The following KIF17 variants were observed in gnomAD, a reference collection of about 807,000 sequenced individuals.
KIF17 encodes the protein kinesin family member 17, also known as kinesin-like protein KIF17.
Under a neutral mutation model 96.8 loss-of-function variants are expected in KIF17, and 80 were observed. The observed-to-expected ratio is 0.83, with a 90% CI of 0.69 to 1.00. The LOEUF is 1.00. KIF17 is among the 50% of genes least tolerant of loss of function. The pLI is 0.00. For synonymous variants in KIF17, 567 were observed against 587.5 expected, an observed-to-expected ratio of 0.97 and a Z score of 0.51; for missense variants, 1,280 against 1,372.9, an observed-to-expected ratio of 0.93 and a Z score of 1.07.
chr1:20,664,298 T>G lies in KIF17; in HGVS notation c.*286A>C. On this transcript the variant is annotated 3_prime_UTR_variant, in exon 15 of 15. Transcript: ENST00000400463. Reference sequence around the variant, plus strand: ...AGGCAAAGACCAACACTGGTGGGCATGGGTGTGGGCTCTGTGGCAGGTGAG... The same window carrying G: ...AGGCAAAGACCAACACTGGTGGGCAGGGGTGTGGGCTCTGTGGCAGGTGAG... The G allele has an allele frequency of 1.8e-5, 24 of 1,323,816 alleles. No homozygotes were observed. Among genetic ancestry groups the G allele is most frequent in the East Asian group, 9.6e-5 (3 of 31,122 alleles). The allele number at this position is 1,323,816 out of a possible 1,614,324, so 82.0% of individuals were successfully genotyped here.
rs772578787 is a variant in KIF17 at position 20,672,586 on chromosome 1, G to T, written c.2464-390C>A. Among the ~76,000 whole-genome samples, 3 of 152,116 alleles carry T rather than the reference G, an allele frequency of 2.0e-5. No homozygotes were observed. The highest frequency in any genetic ancestry group is 4.4e-5 in the Non-Finnish European group (3 of 68,016). On this transcript the variant is annotated intron_variant, in intron 11 of 14. Transcript: ENST00000400463. The surrounding 1 kb of genome is among the most constrained non-coding windows in gnomAD (Gnocchi z 4.3). ...AGAAGTCCCCACATCCAACACCACCGTTCTAAAGGATATCAGAGAATTGCA... is the reference window on the plus strand; with the variant it reads ...AGAAGTCCCCACATCCAACACCACCTTTCTAAAGGATATCAGAGAATTGCA...
chr1:20,669,436 C>G (rs2053596907), intron 13 of KIF17, among the ~76,000 whole-genome samples: 1 of 151,412 alleles, frequency 6.6e-6, no homozygotes. Context: ...ACTTGGGAGG[C>G]TGAGGCCGGA....
intron 4 of KIF17, among the ~76,000 whole-genome samples, chr1:20,707,568 C>G (rs776282125): frequency 6.6e-6 from 1 of 151,788 alleles, no homozygotes; most frequent in African/African-American, 2.4e-5. Context: ...TCCAGGAGTT[C>G]GAGACCAGCC....
At position 20,671,938 on chromosome 1, in the gene KIF17, C is replaced by CTA. The variant is rs2053653934; in HGVS notation, c.2720_2721dup (p.Val908Ter). The CTA allele has an allele frequency of 6.2e-7, 1 of 1,613,178 alleles. No homozygotes were observed. The highest frequency in any genetic ancestry group is 1.7e-5 in the Admixed American group (1 of 60,010). On this transcript the variant is annotated frameshift_variant and splice_region_variant, in exon 12 of 15. Transcript: ENST00000400463. LOFTEE classifies it high-confidence loss of function. ...GGCAAGGGCCAGCCAAGCTCCTGAC[C>CTA]TACTGGGAGGCTGGTTTTTGTGATG...
chr1:20,687,515 A>AC lies in KIF17; in HGVS notation c.1810dup (p.Val604GlyfsTer55). The AC allele has an allele frequency of 6.2e-7, 1 of 1,612,914 alleles. No homozygotes were observed. The highest frequency in any genetic ancestry group is 8.5e-7 in the Non-Finnish European group (1 of 1,179,344). On this transcript the variant is annotated frameshift_variant, in exon 8 of 15. Transcript: ENST00000400463. LOFTEE classifies it high-confidence loss of function. This position sits in a 1 kb window ranked among gnomAD's most constrained non-coding sequence, Gnocchi z 4.4. ...CAGGCCTAGTAACCCCTGCAGGGGC[A>AC]CCTCCTGCGGCTCCTCTTGCGGGAG...
chr1:20,672,338 T>C lies in KIF17; in HGVS notation c.2464-142A>G. The C allele has an allele frequency of 9.5e-7, 1 of 1,048,870 alleles. No individual in the cohort carries two copies. The highest frequency in any genetic ancestry group is 1.4e-6 in the Non-Finnish European group (1 of 704,730). 65.0% of individuals were successfully genotyped at this position (1,048,870 alleles called of 1,614,324 possible). Reference sequence around the variant, plus strand: ...CAGCCATCCATTCTCATCCCCACCATCCATCCAGCCATCCTTCCCTCCATC... The same window carrying C: ...CAGCCATCCATTCTCATCCCCACCACCCATCCAGCCATCCTTCCCTCCATC... On this transcript the variant is annotated intron_variant, in intron 11 of 14. Coordinates refer to ENST00000400463, the MANE Select transcript of KIF17 (RefSeq NM_001122819.3). This position sits in a 1 kb window ranked among gnomAD's most constrained non-coding sequence, Gnocchi z 4.3.
intron 1 of KIF17, 160 bp downstream of exon 1, chr1:20,717,316 G>A: frequency 2.8e-6 from 2 of 723,052 alleles, no homozygotes; most frequent in South Asian, 3.7e-5. Context: ...GGCTCTGGTT[G>A]TGTCCCGCCT....
chr1:20,675,243 C>A (rs1419003864), intron 11 of KIF17, among the ~76,000 whole-genome samples: 2 of 151,134 alleles, frequency 1.3e-5, no homozygotes. Flanking sequence ...GCCAGGAGAT[C>A]AAGACCATCC....
At chr1:20,693,165 TC>T (rs1214732671) in intron 6 of KIF17, 1 of 152,030 alleles carries the variant, frequency 6.6e-6, no homozygotes. Context: ...GAAGAGAATC[TC>T]CTCTTTTTCT....
downstream of KIF17, among the ~76,000 whole-genome samples, chr1:20,662,418 C>T (rs3753834): frequency 0.12 from 17,673 of 152,170 alleles, 1,077 homozygotes; most frequent in Non-Finnish European, 0.14. Context: ...CAGTTCCTTT[C>T]GGACACTTGT....
At chr1:20,689,220 C>CAA (rs1553150806) in intron 7 of KIF17, among the ~76,000 whole-genome samples, 49 of 152,258 alleles carry the variant, frequency 3.2e-4, no homozygotes, top group Non-Finnish European at 5.0e-4. Flanking sequence ...GCGGTACCGA[C>CAA]GGTGCGATCA....
At chr1:20,667,982 C>T (rs1470918232) in intron 13 of KIF17, among the ~76,000 whole-genome samples, 1 of 151,172 alleles carries the variant, frequency 6.6e-6, no homozygotes, top group Non-Finnish European at 1.5e-5. Flanking sequence ...TGCACTCCAG[C>T]CTGGGCAACA....
At chr1:20,705,948 G>A (rs58888867) in intron 4 of KIF17, among the ~76,000 whole-genome samples, 3,385 of 119,974 alleles carry the variant, frequency 0.028, 131 homozygotes, top group African/African-American at 0.099. Context: ...TCACTCTGTC[G>A]CCCAGGCTGG....
At chr1:20,680,635 G>A (rs949043967) in intron 11 of KIF17, among the ~76,000 whole-genome samples, 2 of 152,024 alleles carry the variant, frequency 1.3e-5, no homozygotes, top group Non-Finnish European at 2.9e-5. Context: ...TCTTAAACAG[G>A]CATTCACAGG....
intron 13 of KIF17, among the ~76,000 whole-genome samples, chr1:20,667,101 T>TCA (rs2053543513): frequency 6.6e-6 from 1 of 152,138 alleles, no homozygotes; most frequent in Non-Finnish European, 1.5e-5. Context: ...CATGGACTGG[T>TCA]ACCAGTCCCT....
rs757864428 is a variant in KIF17 at position 20,672,114 on chromosome 1, C to T, written c.2546G>A (p.Arg849Gln). The T allele has an allele frequency of 4.4e-5, 71 of 1,614,058 alleles. No homozygotes were observed. Among genetic ancestry groups the T allele is most frequent in the Non-Finnish European group, 5.6e-5 (66 of 1,180,046 alleles). ...CAAGAGCATGGAGTCACGCTCCTGC[C>T]GGCGGATGGTGGCCAAGTAATCGAT... ...EKIDYLATIRRQERDSMLLQQ... is the reference protein window; with the variant it reads ...EKIDYLATIRQQERDSMLLQQ... Residue 849 changes from arginine to glutamine, a missense_variant, in exon 12 of 15, where the codon CGG becomes CAG. Transcript: ENST00000400463. This position sits in a 1 kb window ranked among gnomAD's most constrained non-coding sequence, Gnocchi z 4.3.
downstream of KIF17, among the ~76,000 whole-genome samples, chr1:20,663,080 C>T (rs1159278606): frequency 2.0e-5 from 3 of 152,132 alleles, no homozygotes; most frequent in South Asian, 2.1e-4. Context: ...AAAATTTAGC[C>T]GGGCGTGGTG....
intron 11 of KIF17, among the ~76,000 whole-genome samples, chr1:20,678,449 T>C (rs1002042769): frequency 6.6e-6 from 1 of 151,930 alleles, no homozygotes; most frequent in Non-Finnish European, 1.5e-5. Flanking sequence ...GCATCCTAGG[T>C]ACCTGAGGAT....
chr1:20,664,816 A>G (rs1191319517), intron 14 of KIF17, 54 bp from the exon 15 acceptor site: 1 of 1,535,636 alleles, frequency 6.5e-7, no homozygotes, highest in Non-Finnish European at 9.0e-7. Flanking sequence ...GGATGGAGAG[A>G]AAATGCCCCA....
Sources: gnomAD v4.1 joint callset for allele counts (sites outside exome capture counted in the v4.1 genomes callset) on GRCh38, gnomAD v4.1.1 for gene constraint, Gnocchi (gnomAD v3.1) non-coding constraint, MANE v1.5 for transcripts, NCBI Gene and HGNC (gene_info 2026-07-23, HGNC 2026-07-21) for gene names.